KIFAP3: variants seen among roughly 807,000 people sequenced by gnomAD.
KIFAP3 encodes the protein kinesin-associated protein 3.
KIFAP3 carries 68 observed loss-of-function variants against 106.5 expected under a neutral mutation model. The ratio of observed to expected loss-of-function variants is 0.64; its 90% confidence interval spans 0.53 to 0.78. The LOEUF (loss-of-function observed/expected upper bound fraction) is 0.78, where lower values mean the gene tolerates loss of function less well. Ranked by LOEUF, KIFAP3 falls within the 30% of genes least tolerant of loss-of-function variation. KIFAP3 has a pLI of 0.00. For missense variants in KIFAP3, 780 were observed against 941.8 expected, an observed-to-expected ratio of 0.83 and a Z score of 2.25; for synonymous variants, 320 against 311.5, an observed-to-expected ratio of 1.03 and a Z score of -0.29.
intron 19 of KIFAP3, among the ~76,000 whole-genome samples, chr1:169,925,677 C>A (rs763076886): frequency 6.6e-6 from 1 of 151,986 alleles, no homozygotes; most frequent in Non-Finnish European, 1.5e-5. Flanking sequence ...TCACATGCAG[C>A]ACATTACAAG....
Position 170,048,091 on chromosome 1 carries a change from A to G in KIFAP3, c.165-1225T>C, listed in dbSNP as rs1245456389. 5.3e-5 allele frequency among the ~76,000 whole-genome samples: 8 copies of G among 152,300 alleles called. No homozygotes were observed. The East Asian group carries it at 7.7e-4, about 15-fold the overall frequency. On this transcript the variant is annotated intron_variant, in intron 2 of 19. Coordinates refer to ENST00000361580, the MANE Select transcript of KIFAP3 (RefSeq NM_014970.4). ...CTGTAAGCTTATTATCCATATGTAG[A>G]TGATTTCTCCCGAAACCATTCCAGC...
intron 2 of KIFAP3, among the ~76,000 whole-genome samples, chr1:170,054,648 T>C (rs927513750): frequency 8.5e-5 from 13 of 152,326 alleles, no homozygotes; most frequent in African/African-American, 3.1e-4. Flanking sequence ...AATGAGTTCA[T>C]GTCCTTTGCA....
intron 1 of KIFAP3, among the ~76,000 whole-genome samples, chr1:170,059,393 T>A (rs1285975297): frequency 6.6e-6 from 1 of 152,100 alleles, no homozygotes; most frequent in African/African-American, 2.4e-5. Context: ...TCTATGCAAA[T>A]AAACTAGAAA....
intron 12 of KIFAP3, among the ~76,000 whole-genome samples, chr1:169,984,348 A>T (rs1158123104): frequency 2.0e-5 from 3 of 151,808 alleles, no homozygotes; most frequent in South Asian, 2.1e-4. Context: ...TTAAAAATCA[A>T]ATTTCAATTA....
chr1:170,064,448 G>A (rs536583352), intron 1 of KIFAP3, among the ~76,000 whole-genome samples: 1 of 152,190 alleles, frequency 6.6e-6, no homozygotes, highest in African/African-American at 2.4e-5. Context: ...TTGCCTCCCA[G>A]GCTCAGGCAA....
chr1:169,971,837 T>C (rs1304942855), intron 17 of KIFAP3, among the ~76,000 whole-genome samples: 2 of 151,950 alleles, frequency 1.3e-5, no homozygotes, highest in African/African-American at 4.8e-5. Context: ...CGTAGCAGTA[T>C]ATGCCATATA....
At chr1:169,955,376 T>G (rs939551244) in intron 18 of KIFAP3, among the ~76,000 whole-genome samples, 5 of 152,264 alleles carry the variant, frequency 3.3e-5, no homozygotes, top group African/African-American at 1.2e-4. Context: ...AAAATGTAAT[T>G]TATAATAAAT....
At chr1:170,075,433 A>G (rs1671881384), upstream of KIFAP3, among the ~76,000 whole-genome samples, 1 of 151,806 alleles carries the variant, frequency 6.6e-6, no homozygotes, top group Non-Finnish European at 1.5e-5. Context: ...AAGCACCTCT[A>G]CTCCCCCTGC....
chr1:169,992,275 GTGA>G lies in KIFAP3; in HGVS notation c.1184-23_1184-21del, dbSNP rs1415102218. The stretch of plus-strand genomic sequence containing the variant: ...CATTGCCTAGGAATAAAACATCATG[GTGA>G]TGATGCTATAAATATATATTTTTTA... On this transcript the variant is annotated intron_variant, in intron 10 of 19. Coordinates refer to ENST00000361580, the MANE Select transcript of KIFAP3 (RefSeq NM_014970.4). 1 of 1,284,436 alleles carries G rather than the reference GTGA, an allele frequency of 7.8e-7. No individual in the cohort carries two copies. Among genetic ancestry groups the G allele is most frequent in the East Asian group, 2.5e-5 (1 of 40,158 alleles). The allele number at this position is 1,284,436 out of a possible 1,614,324, so 79.6% of individuals were successfully genotyped here. A position where few individuals can be genotyped will look rare whatever the true frequency, so the allele number is the denominator to read the frequency against.
At chr1:169,945,048 C>G (rs758113973) in intron 19 of KIFAP3, among the ~76,000 whole-genome samples, 5 of 152,134 alleles carry the variant, frequency 3.3e-5, no homozygotes, top group African/African-American at 4.8e-5. Flanking sequence ...TCCAGGGTGC[C>G]CAGGCAGCCC....
chr1:170,011,499 AAATAT>A (rs1411548584), intron 10 of KIFAP3, among the ~76,000 whole-genome samples: 5 of 151,794 alleles, frequency 3.3e-5, no homozygotes, highest in Non-Finnish European at 7.4e-5. Context: ...AATATATATC[AAATAT>A]AATATGTAAT....
Position 170,039,233 on chromosome 1 carries a change from C to T in KIFAP3, c.375G>A (p.Glu125=). The part of the protein sequence containing the change: ...PKDPPPFEGM[E]IDEVANINDM... The stretch of plus-strand genomic sequence containing the variant: ...TAGATCAGAATGCATGCAGTCTTAC[C>T]TCCATTCCTTCAAAAGGAGGTGGAT... The change falls in exon 4 of 20, where the codon GAG becomes GAA. Residue 125 remains glutamate (E), a splice_region_variant and synonymous_variant. Coordinates refer to ENST00000361580, the MANE Select transcript of KIFAP3 (RefSeq NM_014970.4). The T allele has an allele frequency of 5.0e-6, 8 of 1,591,620 alleles. No individual in the cohort carries two copies. Among genetic ancestry groups the T allele is most frequent in the Non-Finnish European group, 6.0e-6 (7 of 1,164,408 alleles).
At chr1:170,048,219 T>C (rs1253919185) in intron 2 of KIFAP3, among the ~76,000 whole-genome samples, 1 of 152,108 alleles carries the variant, frequency 6.6e-6, no homozygotes, top group Admixed American at 6.5e-5. Context: ...TCCTTTTCTG[T>C]TTAAATTTGC....
chr1:170,002,351 T>C (rs4656729), intron 10 of KIFAP3, among the ~76,000 whole-genome samples: 72,400 of 151,954 alleles, frequency 0.48, 17,746 homozygotes, highest in East Asian at 0.84. Flanking sequence ...TGGAACACCT[T>C]AGAAACTCTA....
intron 1 of KIFAP3, among the ~76,000 whole-genome samples, chr1:170,057,738 C>T (rs565820449): frequency 2.0e-5 from 3 of 151,904 alleles, no homozygotes; most frequent in East Asian, 1.9e-4. Context: ...AATTTCCAAA[C>T]GTTCTACTTG....
At chr1:169,989,609 T>G (rs890518803) in intron 11 of KIFAP3, among the ~76,000 whole-genome samples, 37 of 152,102 alleles carry the variant, frequency 2.4e-4, no homozygotes, top group African/African-American at 8.4e-4. Context: ...GATTACACTT[T>G]GCATTGAGTA....
At chr1:170,054,326 T>C (rs1670731451) in intron 2 of KIFAP3, among the ~76,000 whole-genome samples, 1 of 152,236 alleles carries the variant, frequency 6.6e-6, no homozygotes, top group African/African-American at 2.4e-5. Context: ...TGGTGATTAT[T>C]AAAAAGTTTT....
At chr1:169,954,535 A>C (rs508063) in intron 18 of KIFAP3, among the ~76,000 whole-genome samples, 1 of 151,992 alleles carries the variant, frequency 6.6e-6, no homozygotes, top group Admixed American at 6.5e-5. Flanking sequence ...GTAATACTTT[A>C]TTGTATTTCA....
intron 10 of KIFAP3, among the ~76,000 whole-genome samples, chr1:169,997,550 C>T (rs116652473): frequency 0.011 from 1,726 of 152,086 alleles, 30 homozygotes; most frequent in African/African-American, 0.039. Flanking sequence ...AGCCACTTAC[C>T]TTTCTACCTA....
Sources: gnomAD v4.1 joint callset for allele counts (sites outside exome capture counted in the v4.1 genomes callset) on GRCh38, gnomAD v4.1.1 for gene constraint, MANE v1.5 for transcripts, NCBI Gene and HGNC (gene_info 2026-07-23, HGNC 2026-07-21) for gene names.